The following AP3M1 variants were observed in gnomAD, a reference collection of about 807,000 sequenced individuals.
AP3M1 encodes the protein adaptor related protein complex 3 subunit mu 1, also known as AP-3 complex subunit mu-1.
In AP3M1, 29 loss-of-function variants were observed where a neutral mutation model predicts 42.6. The observed-to-expected ratio is 0.68, with a 90% confidence interval of 0.51 to 0.93. The LOEUF is 0.93. Among genes scored for constraint, AP3M1 ranks in the 40% least tolerant of loss-of-function variants. The pLI is 0.00. For synonymous variants in AP3M1, 178 were observed against 175.3 expected, an observed-to-expected ratio of 1.02 and a Z score of -0.12; for missense variants, 416 against 510.2, an observed-to-expected ratio of 0.82 and a Z score of 1.78.
At chr10:74,126,029 G>A (rs1467248011) in intron 7 of AP3M1, 119 bp downstream of exon 7, 1 of 1,032,342 alleles carries the variant, frequency 9.7e-7, no homozygotes, top group Non-Finnish European at 1.5e-6. Flanking sequence ...ATGCTCTCTA[G>A]GTTTTGATAC....
Position 74,120,496 on chromosome 10 carries a change from T to A in AP3M1, c.*3314A>T, listed in dbSNP as rs10824075. Reference sequence around the variant, plus strand: ...ACTGTTCCCCGAAAAGCTAAAGTTGTTAAGTTTGTAGGAGTACCACAGGTC... The same window carrying A: ...ACTGTTCCCCGAAAAGCTAAAGTTGATAAGTTTGTAGGAGTACCACAGGTC... On this transcript the variant is annotated 3_prime_UTR_variant, in exon 9 of 9. Coordinates refer to ENST00000355264, the MANE Select transcript of AP3M1 (RefSeq NM_012095.6). The A allele has an allele frequency of 6.6e-6, 1 of 152,094 alleles. No homozygotes were observed. Among genetic ancestry groups the A allele is most frequent in the Non-Finnish European group, 1.5e-5 (1 of 68,020 alleles). The allele number at this position is 152,094 out of a possible 1,614,324, so 9.4% of individuals were successfully genotyped here.
chr10:74,142,835 T>C (rs1841198912), intron 1 of AP3M1, among the ~76,000 whole-genome samples: 1 of 152,264 alleles, frequency 6.6e-6, no homozygotes, highest in Non-Finnish European at 1.5e-5. Context: ...CTTTTCATTT[T>C]CATTTTTTAA....
At chr10:74,137,387 T>C (rs1193033406) in intron 2 of AP3M1, among the ~76,000 whole-genome samples, 2 of 152,240 alleles carry the variant, frequency 1.3e-5, no homozygotes, top group Non-Finnish European at 2.9e-5. Context: ...AAACATTAAA[T>C]TGGAATTTGA....
intron 1 of AP3M1, among the ~76,000 whole-genome samples, chr10:74,140,244 C>T (rs1255170767): frequency 6.6e-6 from 1 of 152,220 alleles, no homozygotes; most frequent in African/African-American, 2.4e-5. Context: ...GGCGAGATGG[C>T]TGCAGGCGGC....
chr10:74,134,074 G>C lies in AP3M1; in HGVS notation c.536C>G (p.Ala179Gly), dbSNP rs1230363017. Reference sequence around the variant, plus strand: ...TATTTCTTCAACAACATCAAAATAGGCTTCATTGTTTGTGTACTTTACCCC... The same window carrying C: ...TATTTCTTCAACAACATCAAAATAGCCTTCATTGTTTGTGTACTTTACCCC... Reference protein sequence around the residue: ...RAGVKYTNNEAYFDVVEEIDA... With the variant: ...RAGVKYTNNEGYFDVVEEIDA... Residue 179 changes from alanine to glycine, a missense_variant, in exon 4 of 9, where the codon GCC becomes GGC. Physicochemically the swap from Ala to Gly is moderately conservative, Grantham distance 60 (BLOSUM62 0). Transcript: ENST00000355264. 3 of 1,613,908 alleles carry C rather than the reference G, an allele frequency of 1.9e-6. No homozygotes were observed. The highest frequency in any genetic ancestry group is 1.1e-5 in the South Asian group (1 of 91,068).
intron 1 of AP3M1, among the ~76,000 whole-genome samples, chr10:74,146,789 G>C (rs1309000100): frequency 6.6e-6 from 1 of 151,760 alleles, no homozygotes; most frequent in Non-Finnish European, 1.5e-5. Context: ...AGTATGAAGA[G>C]AGCTTATGGC....
intron 6 of AP3M1, 31 bp from the exon 7 acceptor site, chr10:74,126,386 G>T: frequency 6.3e-7 from 1 of 1,578,626 alleles, no homozygotes; most frequent in Non-Finnish European, 8.7e-7. Context: ...AGATACAAAA[G>T]CACAAACACA....
chr10:74,124,225 C>T (rs1055155864), intron 8 of AP3M1, among the ~76,000 whole-genome samples, 155 bp downstream of exon 8: 1 of 152,144 alleles, frequency 6.6e-6, no homozygotes, highest in Non-Finnish European at 1.5e-5. Flanking sequence ...ATCATTTGGT[C>T]GGTGCCTGTG....
intron 7 of AP3M1, among the ~76,000 whole-genome samples, chr10:74,124,987 C>CT (rs953497875): frequency 1.4e-4 from 21 of 149,432 alleles, no homozygotes; most frequent in African/African-American, 2.0e-4. Flanking sequence ...GTTTCTTTTT[C>CT]TTTTTTTTTT....
chr10:74,139,619 T>TA (rs1393414476), intron 1 of AP3M1, among the ~76,000 whole-genome samples: 1,213 of 104,570 alleles, frequency 0.012, 9 homozygotes, highest in South Asian at 0.04. Flanking sequence ...CTGTCTCTAC[T>TA]AAAAAAAAAA....
chr10:74,133,137 G>A (rs897077140), intron 4 of AP3M1, among the ~76,000 whole-genome samples: 3 of 152,226 alleles, frequency 2.0e-5, no homozygotes, highest in African/African-American at 7.2e-5. Context: ...GCTCACGCCT[G>A]TAATCCTAAC....
At chr10:74,142,643 A>C (rs920434866) in intron 1 of AP3M1, among the ~76,000 whole-genome samples, 2 of 152,154 alleles carry the variant, frequency 1.3e-5, no homozygotes, top group African/African-American at 2.4e-5. Flanking sequence ...ATTAGCAATA[A>C]ACTCTGACAC....
rs945887246 is a variant in AP3M1, at chr10:74,121,978, T to A, written c.*1832A>T. ...GGAGGAGAACTGGACAGTCCAGGTATAGATTGTTGAGATTAGGGATTCAGC... is the reference window on the plus strand; with the variant it reads ...GGAGGAGAACTGGACAGTCCAGGTAAAGATTGTTGAGATTAGGGATTCAGC... On this transcript the variant is annotated 3_prime_UTR_variant, in exon 9 of 9. Coordinates refer to ENST00000355264, the MANE Select transcript of AP3M1 (RefSeq NM_012095.6). The A allele has an allele frequency of 2.0e-5, 3 of 152,166 alleles. No homozygotes were observed. The highest frequency in any genetic ancestry group is 4.4e-5 in the Non-Finnish European group (3 of 68,012). 9.4% of individuals were successfully genotyped at this position (152,166 alleles called of 1,614,324 possible).
chr10:74,136,488 A>G (rs1171768028), intron 3 of AP3M1, 144 bp downstream of exon 3: 6 of 527,396 alleles, frequency 1.1e-5, no homozygotes, highest in South Asian at 6.9e-5. Context: ...AAATAAATAT[A>G]TAGTACATCC....
At chr10:74,147,549 A>C (rs1398667560) in intron 1 of AP3M1, among the ~76,000 whole-genome samples, 1 of 152,236 alleles carries the variant, frequency 6.6e-6, no homozygotes, top group African/African-American at 2.4e-5. Flanking sequence ...TATCACCATA[A>C]AATTTTAATA....
intron 1 of AP3M1, among the ~76,000 whole-genome samples, chr10:74,141,073 A>C (rs542226238): frequency 6.6e-6 from 1 of 152,302 alleles, no homozygotes; most frequent in African/African-American, 2.4e-5. Flanking sequence ...AGAAAGCAAA[A>C]ATTCACAAAA....
chr10:74,126,080 T>C lies in AP3M1; in HGVS notation c.1011+68A>G, dbSNP rs185581371. On this transcript the variant is annotated intron_variant, in intron 7 of 8. Coordinates refer to ENST00000355264, the MANE Select transcript of AP3M1 (RefSeq NM_012095.6). ...ACAAGGTGCCAAACCTTTCCCTCCA[T>C]TCCTCCCCACAAATCACAAAATAGA... is the stretch of plus-strand genomic sequence containing the variant. 438 of 1,540,398 alleles carry C rather than the reference T, an allele frequency of 2.8e-4. 1 individual carries two copies. The African/African-American group carries it at 5.6e-3, about 20-fold the overall frequency.
intron 1 of AP3M1, among the ~76,000 whole-genome samples, chr10:74,141,079 C>A (rs1200843001): frequency 6.6e-6 from 1 of 152,116 alleles, no homozygotes; most frequent in East Asian, 1.9e-4. Context: ...CAAAAATTCA[C>A]AAAATGATAG....
chr10:74,139,307 C>T (rs1330532415), intron 1 of AP3M1, among the ~76,000 whole-genome samples: 5 of 151,998 alleles, frequency 3.3e-5, no homozygotes, highest in Admixed American at 1.3e-4. Context: ...TTTCTATCCA[C>T]TATAGCTATA....
Sources: gnomAD v4.1 joint callset for allele counts (sites outside exome capture counted in the v4.1 genomes callset) on GRCh38, gnomAD v4.1.1 for gene constraint, MANE v1.5 for transcripts, NCBI Gene and HGNC (gene_info 2026-07-23, HGNC 2026-07-21) for gene names.